SNUPN: variants seen among roughly 807,000 people sequenced by gnomAD.
SNUPN encodes snurportin-1.
In SNUPN, 31 loss-of-function variants were observed where a neutral mutation model predicts 39.2. The observed-to-expected ratio is 0.79, with a 90% CI of 0.59 to 1.07. SNUPN has a LOEUF of 1.07. Among genes scored for constraint, SNUPN ranks in the 50% least tolerant of loss-of-function variants. The pLI is 0.00. For missense variants in SNUPN, 382 were observed against 434.2 expected (o/e 0.88, Z 1.07); for synonymous variants, 132 against 159.0 (o/e 0.83, Z 1.28).
intron 1 of SNUPN, among the ~76,000 whole-genome samples, chr15:75,623,618 T>A (rs1893133099): frequency 6.6e-6 from 1 of 151,948 alleles, no homozygotes; most frequent in African/African-American, 2.4e-5. Context: ...CTAATTTTTG[T>A]ATTTTTAGTA....
chr15:75,600,806 T>C (rs2075279415), intron 8 of SNUPN: 1 of 241,042 alleles, frequency 4.1e-6, no homozygotes, highest in Non-Finnish European at 8.2e-6. Context: ...CAGCTTGCAG[T>C]AGGAAGAGGC....
At chr15:75,615,641 G>A (rs1239293723) in intron 3 of SNUPN, among the ~76,000 whole-genome samples, 37 of 118,374 alleles carry the variant, frequency 3.1e-4, no homozygotes, top group Non-Finnish European at 2.1e-4. Flanking sequence ...TCGCTCTGTC[G>A]CCCAGGCTGG....
chr15:75,619,186 G>A (rs2141377280), intron 2 of SNUPN, among the ~76,000 whole-genome samples: 1 of 151,818 alleles, frequency 6.6e-6, no homozygotes, highest in Non-Finnish European at 1.5e-5. Context: ...AAAAAAATTA[G>A]CTGGGTGTGG....
intron 3 of SNUPN, among the ~76,000 whole-genome samples, chr15:75,611,925 A>G (rs963675390): frequency 2.0e-5 from 3 of 152,054 alleles, no homozygotes; most frequent in African/African-American, 7.2e-5. Context: ...AAACTACTTA[A>G]TACTTCTTGA....
At chr15:75,600,098 G>A (rs1174991709) in intron 8 of SNUPN, among the ~76,000 whole-genome samples, 2 of 151,882 alleles carry the variant, frequency 1.3e-5, no homozygotes, top group South Asian at 2.1e-4. Flanking sequence ...CAACTGCCTC[G>A]ACCTCCCAAA....
At chr15:75,614,597 G>A (rs1040457789) in intron 3 of SNUPN, among the ~76,000 whole-genome samples, 1 of 152,074 alleles carries the variant, frequency 6.6e-6, no homozygotes, top group Non-Finnish European at 1.5e-5. Context: ...AATGATTAGG[G>A]GCTACAGGGA....
chr15:75,619,175 T>TA (rs1475250424), intron 2 of SNUPN, among the ~76,000 whole-genome samples: 2 of 148,786 alleles, frequency 1.3e-5, no homozygotes, highest in African/African-American at 5.0e-5. Context: ...CTACCAAAAA[T>TA]AAAAAAATTA....
chr15:75,614,521 CA>C (rs1189128648), intron 3 of SNUPN, among the ~76,000 whole-genome samples: 2 of 152,016 alleles, frequency 1.3e-5, no homozygotes, highest in Non-Finnish European at 1.5e-5. Context: ...AAGCCAGTCA[CA>C]AAAGTCCACA....
At chr15:75,608,547 A>G (rs1453555409) in intron 5 of SNUPN, among the ~76,000 whole-genome samples, 1 of 152,200 alleles carries the variant, frequency 6.6e-6, no homozygotes, top group Non-Finnish European at 1.5e-5. Context: ...AGCTAGGCCC[A>G]GTGGGGAGGA....
chr15:75,618,145 C>T (rs1463565921), intron 2 of SNUPN, among the ~76,000 whole-genome samples: 3 of 152,092 alleles, frequency 2.0e-5, no homozygotes, highest in Non-Finnish European at 4.4e-5. Context: ...GATGGAAAGG[C>T]TAGCTTCACC....
chr15:75,603,301 C>G (rs1018189993), intron 7 of SNUPN, among the ~76,000 whole-genome samples: 1 of 149,134 alleles, frequency 6.7e-6, no homozygotes, highest in African/African-American at 2.5e-5. Flanking sequence ...CCTGTCTCGG[C>G]CTCCCAAAGT....
At position 75,620,227 on chromosome 15, in the gene SNUPN, G is replaced by T. The variant is rs557564442; in HGVS notation, c.158+667C>A. Among the ~76,000 whole-genome samples the T allele has an allele frequency of 1.1e-3, 171 of 152,240 alleles. 3 individuals carry two copies. In the South Asian group the frequency reaches 0.034, roughly 30 times the overall value. ...TGCAACACTGGGCAAAATGCAGACT[G>T]TATGGAAACTATGCAGCTGTTAGTA... On this transcript the variant is annotated intron_variant, in intron 2 of 8. Coordinates refer to ENST00000308588, the MANE Select transcript of SNUPN (RefSeq NM_005701.4).
chr15:75,623,289 C>T lies in SNUPN; in HGVS notation c.-5-2233G>A, dbSNP rs1297714575. ...CCTCCCGCGTAGCTGGGATTACAGG[C>T]GCCCGCCACCACGCCCGGCTAATTT... On this transcript the variant is annotated intron_variant, in intron 1 of 8. Transcript: ENST00000308588. Among the ~76,000 whole-genome samples, 6 of 151,216 alleles carry T rather than the reference C, an allele frequency of 4.0e-5. No individual in the cohort carries two copies. In the East Asian group the frequency reaches 5.8e-4, roughly 15 times the overall value.
intron 8 of SNUPN, among the ~76,000 whole-genome samples, chr15:75,600,086 T>A (rs1049761077): frequency 7.9e-5 from 12 of 151,842 alleles, no homozygotes; most frequent in Non-Finnish European, 1.6e-4. Context: ...CCTCAGGTGA[T>A]CCAACTGCCT....
At chr15:75,608,324 A>C (rs1892684248) in intron 5 of SNUPN, among the ~76,000 whole-genome samples, 1 of 152,154 alleles carries the variant, frequency 6.6e-6, no homozygotes, top group Non-Finnish European at 1.5e-5. Context: ...TAAAGGCTGC[A>C]GTGAGCTGTG....
At chr15:75,609,716 A>C (rs958946844) in intron 4 of SNUPN, 65 bp from the exon 5 acceptor site, 1 of 1,285,180 alleles carries the variant, frequency 7.8e-7, no homozygotes, top group Non-Finnish European at 1.1e-6. Context: ...TTGCCTCCTC[A>C]TTCTGCAGGA....
chr15:75,623,442 C>T (rs1440771722), intron 1 of SNUPN, among the ~76,000 whole-genome samples: 2 of 123,978 alleles, frequency 1.6e-5, no homozygotes, highest in Non-Finnish European at 3.3e-5. Context: ...AGCCACCACG[C>T]CCGGCCTTTT....
At chr15:75,599,146 C>T (rs1053026259) in intron 8 of SNUPN, among the ~76,000 whole-genome samples, 1 of 150,728 alleles carries the variant, frequency 6.6e-6, no homozygotes, top group East Asian at 1.9e-4. Flanking sequence ...TCCAGCCTGG[C>T]GACAGAGTGA....
In SNUPN at chr15:75,609,660, A is replaced by T. The variant is rs756950424; in HGVS notation, c.409-9T>A. 1.9e-6 allele frequency: 3 copies of T among 1,595,172 alleles called. No homozygotes were observed. The highest frequency in any genetic ancestry group is 1.7e-6 in the Non-Finnish European group (2 of 1,169,030). On this transcript the variant is annotated splice_polypyrimidine_tract_variant and intron_variant, in intron 4 of 8. Transcript: ENST00000308588. Reference sequence around the variant, plus strand: ...TAGGCACTGGTAGAACCCTGCATGGAGAGAAAGTTACCATTCTTATTAGAC... The same window carrying T: ...TAGGCACTGGTAGAACCCTGCATGGTGAGAAAGTTACCATTCTTATTAGAC...
Sources: gnomAD v4.1 joint callset for allele counts (sites outside exome capture counted in the v4.1 genomes callset) on GRCh38, gnomAD v4.1.1 for gene constraint, MANE v1.5 for transcripts, NCBI Gene and HGNC (gene_info 2026-07-23, HGNC 2026-07-21) for gene names.